The following RPL39 variants were observed in gnomAD, a reference collection of about 807,000 sequenced individuals.
RPL39 encodes ribosomal protein L39, also known as large ribosomal subunit protein eL39.
For synonymous variants in RPL39, 8 were observed against 11.4 expected, an observed-to-expected ratio of 0.70 and a Z score of 0.60; for missense variants, 6 against 37.2, an observed-to-expected ratio of 0.16 and a Z score of 2.18.
rs5909656 is a variant in RPL39 at position 119,788,166 on chromosome X, C to T, written c.108-1434G>A. On this transcript the variant is annotated intron_variant, in intron 2 of 2. Transcript: ENST00000361575. ...TAAATGAACCAAGGAAATAGGCCCTCAACTTTAGCCCTAAGAAGCCACCCC... is the reference window on the plus strand; with the variant it reads ...TAAATGAACCAAGGAAATAGGCCCTTAACTTTAGCCCTAAGAAGCCACCCC... Among the ~76,000 whole-genome samples, 746 of 111,884 alleles carry T rather than the reference C, an allele frequency of 6.7e-3. 3 individuals are homozygous for T. The highest frequency in any genetic ancestry group is 0.014 in the Middle Eastern group (3 of 219).
chrX:119,789,494 T>C (rs1241281574), intron 2 of RPL39, among the ~76,000 whole-genome samples: 1 of 112,140 alleles, frequency 8.9e-6, no homozygotes, highest in Non-Finnish European at 1.9e-5. Context: ...GAGGCAGAGG[T>C]TGCAGTGAGC....
At chrX:119,791,023 G>C (rs2055697515) in intron 1 of RPL39, 1 of 123,234 alleles carries the variant, frequency 8.1e-6, no homozygotes, top group African/African-American at 3.3e-5. Flanking sequence ...TGACACACAG[G>C]TTCGCAAAAC....
intron 2 of RPL39, 30 bp from the exon 3 acceptor site, chrX:119,786,762 G>T (rs2055668058): frequency 8.7e-7 from 1 of 1,148,670 alleles, no homozygotes; most frequent in African/African-American, 1.8e-5. Flanking sequence ...AAGTTACAAA[G>T]GCAGTCTGAC....
intron 1 of RPL39, 102 bp from the exon 2 acceptor site, chrX:119,790,113 C>T (rs929520004): frequency 2.1e-6 from 1 of 476,655 alleles, no homozygotes; most frequent in Non-Finnish European, 3.6e-6. Context: ...TAACACATAC[C>T]CCAGCCCCAA....
chrX:119,791,454 C>T, intron 1 of RPL39, 120 bp downstream of exon 1: 1 of 669,697 alleles, frequency 1.5e-6, no homozygotes, highest in Non-Finnish European at 2.1e-6. Flanking sequence ...TGGATATTTT[C>T]TTGAAAAAGC....
In RPL39 at chrX:119,791,590, G is replaced by A. The variant is rs1425687465; in HGVS notation, c.-14C>T. On this transcript the variant is annotated 5_prime_UTR_variant, in exon 1 of 3. Transcript: ENST00000361575. ...TGGACTTACCATGGCGAGCAGCGGA[G>A]TCAAGAACACACCACGATGGCGGAG... The A allele has an allele frequency of 5.1e-6, 6 of 1,177,192 alleles. No homozygotes were observed. The highest frequency in any genetic ancestry group is 6.8e-6 in the Non-Finnish European group (6 of 877,358).
intron 1 of RPL39, 32 bp downstream of exon 1, chrX:119,791,542 A>G: frequency 8.9e-7 from 1 of 1,119,124 alleles, no homozygotes; most frequent in East Asian, 3.4e-5. Context: ...TTGGGAAGCC[A>G]CCCCGGGGCC....
intron 2 of RPL39, among the ~76,000 whole-genome samples, chrX:119,789,429 C>T (rs1419232324): frequency 7.2e-5 from 8 of 111,679 alleles, no homozygotes; most frequent in Admixed American, 6.6e-4. Flanking sequence ...TGGTGACGCA[C>T]GCCTGTAGTC....
rs1038205479 is a variant in RPL39, at chrX:119,786,533, C to T, written c.*151G>A. 37 of 459,512 alleles carry T rather than the reference C, an allele frequency of 8.1e-5. No individual in the cohort carries two copies. Among genetic ancestry groups the T allele is most frequent in the Non-Finnish European group, 1.2e-4 (33 of 265,495 alleles). 37.9% of individuals were successfully genotyped at this position (459,512 alleles called of 1,213,427 possible). A position where few individuals can be genotyped will look rare whatever the true frequency, so the allele number is the denominator to read the frequency against. ...AAAGAAAGGCCTTACATATTTATTACTGAATCCAGCCAACCAACGTGTTCA... is the reference window on the plus strand; with the variant it reads ...AAAGAAAGGCCTTACATATTTATTATTGAATCCAGCCAACCAACGTGTTCA... On this transcript the variant is annotated 3_prime_UTR_variant, in exon 3 of 3. Transcript: ENST00000361575.
At chrX:119,786,889 C>G (rs752381781) in intron 2 of RPL39, among the ~76,000 whole-genome samples, 157 bp from the exon 3 acceptor site, 44 of 112,089 alleles carry the variant, frequency 3.9e-4, no homozygotes, top group African/African-American at 1.4e-3. Flanking sequence ...AAAAATAATT[C>G]CCTATGTGTT....
At chrX:119,791,182 T>G (rs996349648) in intron 1 of RPL39, 3 of 180,391 alleles carry the variant, frequency 1.7e-5, no homozygotes, top group African/African-American at 9.1e-5. Context: ...AATACCCTCC[T>G]GATTACCCTC....
Position 119,791,620 on chromosome X carries a change from G to A in RPL39, c.-44C>T, listed in dbSNP as rs2055702768. 2.6e-6 allele frequency: 3 copies of A among 1,138,021 alleles called. No individual in the cohort carries two copies. The highest frequency in any genetic ancestry group is 2.1e-5 in the South Asian group (1 of 46,592). 93.8% of individuals were successfully genotyped at this position (1,138,021 alleles called of 1,213,427 possible). A position where few individuals can be genotyped will look rare whatever the true frequency, so the allele number is the denominator to read the frequency against. ...GAACACACCACGATGGCGGAGAAAG[G>A]AAGAGGAGGGAAGCTGGCGGAAGAA... On this transcript the variant is annotated 5_prime_UTR_variant, in exon 1 of 3. Transcript: ENST00000361575.
chrX:119,788,841 G>A (rs944952889), intron 2 of RPL39, among the ~76,000 whole-genome samples: 7 of 112,467 alleles, frequency 6.2e-5, no homozygotes, highest in African/African-American at 2.3e-4. Context: ...GCTTTCCCTG[G>A]AGTTAGTCTA....
intron 2 of RPL39, among the ~76,000 whole-genome samples, chrX:119,789,134 G>A (rs1372945286): frequency 3.6e-5 from 4 of 111,110 alleles, no homozygotes; most frequent in African/African-American, 1.3e-4. Context: ...GTGTGGTGGC[G>A]TGTGCCTGTA....
chrX:119,791,256 C>T, intron 1 of RPL39: 1 of 256,899 alleles, frequency 3.9e-6, no homozygotes, highest in African/African-American at 2.8e-5. Context: ...CTGCCACCTC[C>T]CACCCCCCGC....
chrX:119,786,795 A>G (rs369396513), intron 2 of RPL39, 63 bp from the exon 3 acceptor site: 4 of 924,870 alleles, frequency 4.3e-6, no homozygotes, highest in Non-Finnish European at 6.2e-6. Context: ...GTTCCCATTC[A>G]CATAACCTTT....
At chrX:119,788,124 T>C (rs2055678022) in intron 2 of RPL39, among the ~76,000 whole-genome samples, 1 of 111,653 alleles carries the variant, frequency 9.0e-6, no homozygotes, top group Non-Finnish European at 1.9e-5. Flanking sequence ...GGGTGGCAAT[T>C]TTCACATCTA....
At chrX:119,787,288 C>A (rs898797244) in intron 2 of RPL39, 12 of 345,109 alleles carry the variant, frequency 3.5e-5, no homozygotes, top group Non-Finnish European at 5.6e-5. Context: ...CACCTGGCCT[C>A]GCATGATCTT....
rs1255249412 is a variant in RPL39 at position 119,786,613 on chromosome X, C to T, written c.*71G>A. 8.6e-6 allele frequency: 7 copies of T among 809,412 alleles called. No individual in the cohort carries two copies. The highest frequency in any genetic ancestry group is 1.3e-5 in the Non-Finnish European group (7 of 548,765). The allele number at this position is 809,412 out of a possible 1,213,427, so 66.7% of individuals were successfully genotyped here. On this transcript the variant is annotated 3_prime_UTR_variant, in exon 3 of 3. Transcript: ENST00000361575. ...AATCTCCAGATAGTGGTGACATTTT[C>T]AGCTTGATATGGTAACATGATCGTG... is the stretch of plus-strand genomic sequence containing the variant.
Sources: allele counts gnomAD v4.1 joint callset (sites outside exome capture counted in the v4.1 genomes callset), GRCh38; gene constraint gnomAD v4.1.1; transcripts MANE v1.5; gene names NCBI Gene and HGNC (gene_info 2026-07-23, HGNC 2026-07-21).